Variants in RYR2 observed in about 807,000 individuals in gnomAD.
RYR2 encodes the protein cardiac muscle ryanodine receptor-calcium release channel.
A neutral mutation model predicts 601.1 loss-of-function variants in RYR2; 227 were observed. The observed-to-expected ratio is 0.38, with a 90% CI of 0.34 to 0.42. The LOEUF is 0.42. Among genes scored for constraint, RYR2 ranks in the 10% least tolerant of loss-of-function variants. The probability of loss-of-function intolerance (pLI) is 1.00; values close to 1 mark genes in which losing one functional copy is unlikely to be tolerated. For missense variants in RYR2, 4,646 were observed against 6,156.5 expected, an observed-to-expected ratio of 0.75 and a Z score of 8.21; for synonymous variants, 2,223 against 2,175.1, an observed-to-expected ratio of 1.02 and a Z score of -0.61.
intron 96 of RYR2, among the ~76,000 whole-genome samples, chr1:237,795,856 G>GTATATA (rs1205860625): frequency 3.8e-5 from 3 of 79,702 alleles, no homozygotes; most frequent in Non-Finnish European, 8.9e-5. Flanking sequence ...ATATGTATAT[G>GTATATA]TATATATATA....
At chr1:237,233,932 C>T (rs528900274) in intron 1 of RYR2, among the ~76,000 whole-genome samples, 8 of 151,962 alleles carry the variant, frequency 5.3e-5, no homozygotes, top group Non-Finnish European at 8.8e-5. Context: ...TCTTGAGCTA[C>T]CCATCCACCT....
intron 24 of RYR2, among the ~76,000 whole-genome samples, chr1:237,514,044 A>G (rs1666174349): frequency 6.6e-6 from 1 of 152,232 alleles, no homozygotes; most frequent in Admixed American, 6.5e-5. Context: ...AAGAATGCAT[A>G]ACGAGCCCTG....
intron 59 of RYR2, 84 bp downstream of exon 59, chr1:237,674,303 G>A: frequency 1.8e-6 from 2 of 1,082,166 alleles, no homozygotes; most frequent in African/African-American, 1.6e-5. Flanking sequence ...AGCTGAAAAT[G>A]AATTCAATGA....
chr1:237,163,856 G>C (rs548149468), intron 1 of RYR2, among the ~76,000 whole-genome samples: 2 of 152,224 alleles, frequency 1.3e-5, no homozygotes, highest in African/African-American at 4.8e-5. Context: ...CTAAGGGACC[G>C]CCAAGGCGGT....
At chr1:237,147,188 C>T (rs1674092506) in intron 1 of RYR2, among the ~76,000 whole-genome samples, 1 of 152,128 alleles carries the variant, frequency 6.6e-6, no homozygotes, top group African/African-American at 2.4e-5. Flanking sequence ...TGCATATTTA[C>T]ATGAGAGATT....
chr1:237,830,741 C>A, intron 103 of RYR2, 111 bp downstream of exon 103: 1 of 612,268 alleles, frequency 1.6e-6, no homozygotes, highest in Non-Finnish European at 2.9e-6. Context: ...ATAATTGCTG[C>A]AGATACTTTA....
At position 237,631,467 on chromosome 1, in the gene RYR2, C is replaced by T; in HGVS notation, c.6481C>T (p.Leu2161Phe). The change falls in exon 42 of 105, where the codon CTC becomes TTC. Residue 2161 changes from leucine to phenylalanine, a missense_variant. By Grantham distance (22) the Leu-to-Phe change is conservative. Around this residue, in one of 17 missense-constraint regions of RYR2, gnomAD observed 137 missense variants for 273.6 expected, o/e 0.50. Transcript: ENST00000366574. The stretch of plus-strand genomic sequence containing the variant: ...CAAAGTGTTTTACCAGCACCCTAAT[C>T]TCATGAGGGCACTGGGGATGCACGA... ...NNKVFYQHPN[L>F]MRALGMHETV... is the part of the protein sequence containing the mutation. 1 of 1,613,696 alleles carries T rather than the reference C, an allele frequency of 6.2e-7. No individual in the cohort carries two copies. The highest frequency in any genetic ancestry group is 8.5e-7 in the Non-Finnish European group (1 of 1,179,800).
chr1:237,133,501 G>A (rs1223310345), intron 1 of RYR2, among the ~76,000 whole-genome samples: 1 of 152,116 alleles, frequency 6.6e-6, no homozygotes, highest in Non-Finnish European at 1.5e-5. Context: ...AAGTTGAGAG[G>A]TCTAGTAGTC....
rs191669666 is a variant in RYR2, at chr1:237,285,064, A to G, written c.168+14448A>G. ...TGGTCTGGCTAGGACTTCCAGTACT[A>G]TGTTGAAGAGGAGTGGTGCAGGTGG... On this transcript the variant is annotated intron_variant, in intron 2 of 104. Transcript: ENST00000366574. Among the ~76,000 whole-genome samples, 10 of 152,148 alleles carry G rather than the reference A, an allele frequency of 6.6e-5. No individual in the cohort carries two copies. The East Asian group carries it at 7.7e-4, about 12-fold the overall frequency.
chr1:237,105,461 C>T (rs1668559364), intron 1 of RYR2, among the ~76,000 whole-genome samples: 1 of 152,058 alleles, frequency 6.6e-6, no homozygotes, highest in Non-Finnish European at 1.5e-5. Flanking sequence ...TTTTGGAAGG[C>T]CAAGACGGGC....
intron 1 of RYR2, chr1:237,270,283 C>T (rs1167994968): frequency 4.3e-6 from 3 of 695,502 alleles, no homozygotes; most frequent in Non-Finnish European, 7.7e-6. Flanking sequence ...CGTAGCTCCC[C>T]TCTTTTCCCC....
intron 1 of RYR2, among the ~76,000 whole-genome samples, chr1:237,124,590 C>T (rs762608146): frequency 3.3e-5 from 5 of 152,150 alleles, no homozygotes; most frequent in Non-Finnish European, 5.9e-5. Flanking sequence ...GTTAGCATTC[C>T]GGGGCCAGCT....
At chr1:237,064,190 T>A (rs1453432270) in intron 1 of RYR2, among the ~76,000 whole-genome samples, 1 of 152,192 alleles carries the variant, frequency 6.6e-6, no homozygotes, top group Non-Finnish European at 1.5e-5. Flanking sequence ...TTTTATTTTT[T>A]CTTTGTACTT....
chr1:237,569,657 T>C (rs1274569514), intron 29 of RYR2, among the ~76,000 whole-genome samples: 2 of 152,242 alleles, frequency 1.3e-5, no homozygotes, highest in Non-Finnish European at 2.9e-5. Flanking sequence ...AGCCTCTTTC[T>C]GTTTATTCAT....
chr1:237,751,003 T>C (rs1692491970), intron 80 of RYR2, among the ~76,000 whole-genome samples: 1 of 152,200 alleles, frequency 6.6e-6, no homozygotes, highest in South Asian at 2.1e-4. Flanking sequence ...TTACAAAGAC[T>C]AGAGCTTCTA....
In RYR2 at chr1:237,670,188, CTGAGGCAGGA is replaced by C. The variant is rs1323291024; in HGVS notation, c.8590+2231_8590+2240del. On this transcript the variant is annotated intron_variant, in intron 58 of 104. Transcript: ENST00000366574. ...CCTGCAATCGCAGGCACTCGGCAGG[CTGAGGCAGGA>C]GAATCAGGCAGGGAGGTTGCAGTGA... is the stretch of plus-strand genomic sequence containing the variant. Among the ~76,000 whole-genome samples the C allele has an allele frequency of 1.7e-3, 257 of 151,480 alleles. 4 individuals carry two copies. Among genetic ancestry groups the C allele is most frequent in the African/African-American group, 5.3e-3 (221 of 41,376 alleles).
rs1409819668 is a variant in RYR2 at position 237,784,670 on chromosome 1, G to A, written c.12958G>A (p.Glu4320Lys). ...CCTGCTGCTTGGGGGAAGCCTCGTC[G>A]AAGGTGCTAAAAAGATCAAAGTTGC... ...CSLLLGGSLV[E>K]GAKKIKVAEL... The change falls in exon 90 of 105, where the codon GAA becomes AAA. Residue 4320 changes from glutamate to lysine, a missense_variant. Glu to Lys is a moderately conservative substitution (Grantham distance 56). Coordinates refer to ENST00000366574, the MANE Select transcript of RYR2 (RefSeq NM_001035.3). The surrounding 1 kb of genome is among the most constrained non-coding windows in gnomAD (Gnocchi z 7.1). The A allele has an allele frequency of 8.1e-6, 13 of 1,612,898 alleles. No individual in the cohort carries two copies. Among genetic ancestry groups the A allele is most frequent in the South Asian group, 1.1e-5 (1 of 91,040 alleles).
At chr1:237,503,793 T>A (rs1164340171) in intron 22 of RYR2, among the ~76,000 whole-genome samples, 2 of 151,974 alleles carry the variant, frequency 1.3e-5, no homozygotes, top group African/African-American at 4.8e-5. Flanking sequence ...CTGCAACCTC[T>A]GCCTCCTGGG....
At chr1:237,373,631 G>A (rs1405940359) in intron 6 of RYR2, among the ~76,000 whole-genome samples, 2 of 152,152 alleles carry the variant, frequency 1.3e-5, no homozygotes, top group Non-Finnish European at 2.9e-5. Context: ...ATGGGGGTTG[G>A]GGAGCAGTAG....
Sources: allele counts gnomAD v4.1 joint callset (sites outside exome capture counted in the v4.1 genomes callset), GRCh38; gene constraint gnomAD v4.1.1; regional missense constraint gnomAD v4.1.1; non-coding constraint Gnocchi (gnomAD v3.1); transcripts MANE v1.5; gene names NCBI Gene and HGNC (gene_info 2026-07-23, HGNC 2026-07-21).